The following SORBS3 variants were observed in gnomAD, a reference collection of about 807,000 sequenced individuals.
The protein encoded by SORBS3 is vinexin.
A neutral mutation model predicts 98.0 loss-of-function variants in SORBS3; 69 were observed. The observed-to-expected ratio is 0.70, with a 90% confidence interval of 0.58 to 0.86. The LOEUF is 0.86. SORBS3 is among the 40% of genes least tolerant of loss of function. The pLI is 0.00. For synonymous variants in SORBS3, 394 were observed against 355.4 expected, an observed-to-expected ratio of 1.11 and a Z score of -1.22; for missense variants, 954 against 908.5, an observed-to-expected ratio of 1.05 and a Z score of -0.64.
chr8:22,565,018 A>T (rs1424251223), intron 10 of SORBS3: 3 of 1,395,652 alleles, frequency 2.1e-6, no homozygotes, highest in Non-Finnish European at 2.8e-6. Context: ...AACTGGCAGG[A>T]CTGCGGAATC....
upstream of SORBS3, among the ~76,000 whole-genome samples, chr8:22,551,280 C>A (rs1840075790): frequency 6.6e-6 from 1 of 150,512 alleles, no homozygotes; most frequent in Admixed American, 6.6e-5. The surrounding 1 kb of genome is among the most constrained non-coding windows in gnomAD (Gnocchi z 5.8). Context: ...ACCGGCCGCG[C>A]GCCGCCGCAG....
intron 1 of SORBS3, among the ~76,000 whole-genome samples, chr8:22,545,922 C>T (rs1840011021): frequency 6.6e-6 from 1 of 152,228 alleles, no homozygotes; most frequent in Non-Finnish European, 1.5e-5. Context: ...TGGTGACCCC[C>T]ATAGCTGTTT....
At position 22,570,846 on chromosome 8, in the gene SORBS3, A is replaced by G. The variant is rs547919973; in HGVS notation, c.1432-64A>G. On this transcript the variant is annotated intron_variant, in intron 17 of 20. Coordinates refer to ENST00000240123, the MANE Select transcript of SORBS3 (RefSeq NM_005775.5). ...GTTAGGGTTGAATGAGACAGCCCAG[A>G]TAAGGCACCCGTGGGTCCATGGCAC... 45 of 1,476,698 alleles carry G rather than the reference A, an allele frequency of 3.0e-5. No homozygotes were observed. The East Asian group carries it at 7.8e-4, about 26-fold the overall frequency. 91.5% of individuals were successfully genotyped at this position (1,476,698 alleles called of 1,614,324 possible).
chr8:22,554,373 C>G lies in SORBS3; in HGVS notation c.-55-79C>G. On this transcript the variant is annotated intron_variant, in intron 1 of 20. Transcript: ENST00000240123. This position sits in a 1 kb window ranked among gnomAD's most constrained non-coding sequence, Gnocchi z 6.5. ...CCCCTCCCACAGCCGGCCCCTCCTC[C>G]CCTATCCCAGGGTCGAGCCAAGAGG... The G allele has an allele frequency of 1.4e-6, 2 of 1,413,318 alleles. No homozygotes were observed. Among genetic ancestry groups the G allele is most frequent in the Non-Finnish European group, 1.9e-6 (2 of 1,073,794 alleles). The allele number at this position is 1,413,318 out of a possible 1,614,324, so 87.5% of individuals were successfully genotyped here.
In SORBS3 at chr8:22,566,445, C is replaced by T; in HGVS notation, c.1051C>T (p.Leu351=). Residue 351 remains leucine, a synonymous_variant, in exon 13 of 21, where the codon CTA becomes TTA. Coordinates refer to ENST00000240123, the MANE Select transcript of SORBS3 (RefSeq NM_005775.5). ...HKMADGGSPF[L]GRRDFVYPSS... is the part of the protein sequence containing the mutation. ...AATGGCTGATGGAGGAAGCCCCTTC[C>T]TAGGTCGGAGGGACTTTGTCTACCC... 1 of 1,614,000 alleles carries T rather than the reference C, an allele frequency of 6.2e-7. No homozygotes were observed. The highest frequency in any genetic ancestry group is 8.5e-7 in the Non-Finnish European group (1 of 1,179,926).
At chr8:22,565,722 C>A in intron 11 of SORBS3, 104 bp from the exon 12 acceptor site, 1 of 1,237,492 alleles carries the variant, frequency 8.1e-7, no homozygotes, top group Non-Finnish European at 1.0e-6. Context: ...GCGTCCCGCC[C>A]GCTCTCCTCC....
chr8:22,550,908 C>G (rs190902643), upstream of SORBS3, among the ~76,000 whole-genome samples: 1 of 152,352 alleles, frequency 6.6e-6, no homozygotes, highest in East Asian at 1.9e-4. Context: ...CAGAGTGTTT[C>G]CACGGTCCTT....
At chr8:22,572,871 C>T (rs1840626572) in intron 20 of SORBS3, among the ~76,000 whole-genome samples, 1 of 152,208 alleles carries the variant, frequency 6.6e-6, no homozygotes, top group Admixed American at 6.5e-5. Context: ...GGTCCCAGCC[C>T]CTCAGGGCTG....
intron 16 of SORBS3, among the ~76,000 whole-genome samples, chr8:22,567,871 A>G (rs1010453297): frequency 1.4e-5 from 2 of 147,508 alleles, no homozygotes; most frequent in African/African-American, 5.0e-5. Flanking sequence ...TTGGAGAGAC[A>G]GAGTCTTGCT....
chr8:22,565,062 C>CAG, intron 10 of SORBS3: 1 of 1,418,730 alleles, frequency 7.0e-7, no homozygotes, highest in Non-Finnish European at 9.2e-7. Flanking sequence ...ACTCCCGGGG[C>CAG]GTGCTGGGCA....
intron 16 of SORBS3, 47 bp downstream of exon 16, chr8:22,567,222 AG>A (rs1840449955): frequency 7.7e-7 from 1 of 1,299,384 alleles, no homozygotes; most frequent in Non-Finnish European, 1.1e-6. Flanking sequence ...GGGAGGGCGC[AG>A]GGGTTGGGAG....
chr8:22,574,702 C>T lies in SORBS3; in HGVS notation c.1990C>T (p.Pro664Ser). Reference sequence around the variant, plus strand: ...GAGGACCCAGAAATTCGGAACGTTCCCTGGAAATTACGTTGCCCCGGTGTG... The same window carrying T: ...GAGGACCCAGAAATTCGGAACGTTCTCTGGAAATTACGTTGCCCCGGTGTG... ...SRRTQKFGTF[P>S]GNYVAPV Residue 664 changes from proline to serine, a missense_variant, in exon 21 of 21, where the codon CCT becomes TCT. Physicochemically the swap from Pro to Ser is moderately conservative, Grantham distance 74. Coordinates refer to ENST00000240123, the MANE Select transcript of SORBS3 (RefSeq NM_005775.5). The T allele has an allele frequency of 1.2e-6, 2 of 1,611,156 alleles. No individual in the cohort carries two copies. Among genetic ancestry groups the T allele is most frequent in the Non-Finnish European group, 1.7e-6 (2 of 1,178,334 alleles).
chr8:22,561,926 C>T lies in SORBS3; in HGVS notation c.579C>T (p.Ser193=). 4 of 1,614,110 alleles carry T rather than the reference C, an allele frequency of 2.5e-6. No homozygotes were observed. The highest frequency in any genetic ancestry group is 3.4e-6 in the Non-Finnish European group (4 of 1,179,984). The change falls in exon 7 of 21, where the codon TCC becomes TCT. Residue 193 remains serine (S), a synonymous_variant. Transcript: ENST00000240123. ...ACAGGCCCGGCCCGGCAACATCTTC[C>T]AGTGGGTGAGCACAGTGGGGCGGGG... is the stretch of plus-strand genomic sequence containing the variant. The part of the protein sequence containing the change: ...PAHRPGPATS[S]SGRSWDHSEE...
At chr8:22,560,281 G>A (rs547463165) in intron 5 of SORBS3, among the ~76,000 whole-genome samples, 1 of 152,094 alleles carries the variant, frequency 6.6e-6, no homozygotes, top group Admixed American at 6.6e-5. Context: ...AGGAATTCAA[G>A]TCCAGCTTGG....
In SORBS3 at chr8:22,561,908, C is replaced by G. The variant is rs754703890; in HGVS notation, c.561C>G (p.Pro187=). ...CCCAGCAAAGACCTGCCCACAGGCC[C>G]GGCCCGGCAACATCTTCCAGTGGGT... is the stretch of plus-strand genomic sequence containing the variant. The part of the protein sequence containing the change: ...LGAQQRPAHR[P]GPATSSSGRS... The change falls in exon 7 of 21, where the codon CCC becomes CCG. Residue 187 remains proline (P), a synonymous_variant. Transcript: ENST00000240123. The G allele has an allele frequency of 3.7e-6, 6 of 1,614,126 alleles. No individual in the cohort carries two copies. The South Asian group carries it at 5.5e-5, about 15-fold the overall frequency.
At chr8:22,547,275 C>G (rs1840025585), upstream of SORBS3, among the ~76,000 whole-genome samples, 1 of 150,822 alleles carries the variant, frequency 6.6e-6, no homozygotes, top group Non-Finnish European at 1.5e-5. Flanking sequence ...GTTGCTCCAT[C>G]TAGATCTGTT....
At chr8:22,572,555 G>A (rs1422629476) in intron 20 of SORBS3, 109 bp downstream of exon 20, 4 of 884,376 alleles carry the variant, frequency 4.5e-6, no homozygotes, top group Admixed American at 2.0e-5. Flanking sequence ...ACCACCCCCC[G>A]ACTCAGCTTC....
intron 11 of SORBS3, 63 bp downstream of exon 11, chr8:22,565,417 G>A: frequency 7.5e-7 from 1 of 1,340,472 alleles, no homozygotes. Flanking sequence ...GGCGAGCCGG[G>A]AGCCTCGGCG....
intron 16 of SORBS3, among the ~76,000 whole-genome samples, chr8:22,568,452 A>T (rs1385165001): frequency 4.6e-5 from 7 of 152,086 alleles, no homozygotes; most frequent in African/African-American, 1.7e-4. Context: ...CTGTTTTCTC[A>T]TCTCGTCTGT....
Sources: allele counts gnomAD v4.1 joint callset (sites outside exome capture counted in the v4.1 genomes callset), GRCh38; gene constraint gnomAD v4.1.1; non-coding constraint Gnocchi (gnomAD v3.1); transcripts MANE v1.5; gene names NCBI Gene and HGNC (gene_info 2026-07-23, HGNC 2026-07-21).